Variants in ERI1 observed in about 807,000 individuals in gnomAD.
ERI1 encodes exoribonuclease 1, also known as 3'-5' exoribonuclease 1.
A neutral mutation model predicts 39.7 loss-of-function variants in ERI1; 39 were observed. That is an observed-to-expected ratio of 0.98 (90% CI 0.76 to 1.28). ERI1 has a LOEUF of 1.28. ERI1 is among the 50% of genes most tolerant of loss of function. The pLI, the probability that ERI1 is intolerant of heterozygous loss-of-function variation, is 0.00. For synonymous variants in ERI1, 204 were observed against 149.6 expected, an observed-to-expected ratio of 1.36 and a Z score of -2.65; for missense variants, 581 against 416.9, an observed-to-expected ratio of 1.39 and a Z score of -3.43.
chr8:9,022,654 C>T (rs1375240038), intron 6 of ERI1, among the ~76,000 whole-genome samples: 5 of 152,206 alleles, frequency 3.3e-5, no homozygotes, highest in African/African-American at 1.2e-4. Context: ...CCCGCCTCGG[C>T]CTCCCAAAGT....
intron 1 of ERI1, among the ~76,000 whole-genome samples, chr8:9,004,915 T>G (rs914723151): frequency 6.6e-6 from 1 of 152,126 alleles, no homozygotes; most frequent in Non-Finnish European, 1.5e-5. Context: ...CTGGAACTCC[T>G]GACCTCAGGT....
chr8:9,097,729 GA>G lies in ERI1; in HGVS notation n.300-18616del, dbSNP rs1161180834. 2.1e-5 allele frequency among the ~76,000 whole-genome samples: 3 copies of G among 146,030 alleles called. No homozygotes were observed. In the East Asian group the frequency reaches 5.9e-4, roughly 29 times the overall value. ...AGGCAGTTAAGAGACTTTTTTAAAA[GA>G]AAGAAAAGAAGAAAGAAGAAAAGAC... On this transcript the variant is annotated intron_variant and non_coding_transcript_variant, in intron 3 of 3. Coordinates refer to the ERI1 transcript ENST00000518663.
intron 3 of ERI1, among the ~76,000 whole-genome samples, chr8:9,043,161 T>C (rs981967453): frequency 1.3e-5 from 2 of 152,246 alleles, no homozygotes; most frequent in African/African-American, 2.4e-5. Flanking sequence ...ATTCTACTTC[T>C]TCGTGTATAA....
At chr8:9,049,521 A>AT (rs1218230311) in intron 3 of ERI1, among the ~76,000 whole-genome samples, 1 of 144,458 alleles carries the variant, frequency 6.9e-6, no homozygotes, top group Admixed American at 7.4e-5. Context: ...AATTTTGTGG[A>AT]TTTTTTGGCA....
intron 3 of ERI1, among the ~76,000 whole-genome samples, chr8:9,049,084 AT>A (rs1343060356): frequency 6.6e-6 from 1 of 152,008 alleles, no homozygotes; most frequent in Non-Finnish European, 1.5e-5. Context: ...TACACCTGTA[AT>A]TCCAGCACTT....
intron 3 of ERI1, among the ~76,000 whole-genome samples, chr8:9,053,328 A>T (rs1180570858): frequency 1.3e-5 from 2 of 152,114 alleles, no homozygotes; most frequent in African/African-American, 4.8e-5. Flanking sequence ...GTGGCTAATG[A>T]TTTAGCTGAT....
At chr8:9,096,248 C>T (rs1276468407) in intron 3 of ERI1, among the ~76,000 whole-genome samples, 1 of 152,194 alleles carries the variant, frequency 6.6e-6, no homozygotes, top group African/African-American at 2.4e-5. Context: ...CCTTTCAAAA[C>T]AAAGCCAGGT....
intron 4 of ERI1, 60 bp from the exon 5 acceptor site, chr8:9,018,237 T>C (rs1239959023): frequency 3.3e-6 from 3 of 908,046 alleles, no homozygotes; most frequent in Middle Eastern, 2.2e-4. Context: ...TCTGGGTATT[T>C]TGTAGGTCTA....
At chr8:9,026,826 T>G (rs1334964082) in intron 6 of ERI1, among the ~76,000 whole-genome samples, 1 of 151,840 alleles carries the variant, frequency 6.6e-6, no homozygotes, top group Admixed American at 6.6e-5. Context: ...TCCCAAGCAT[T>G]TCAGATAAGG....
intron 3 of ERI1, among the ~76,000 whole-genome samples, chr8:9,066,897 G>C (rs1563369027): frequency 6.6e-6 from 1 of 152,116 alleles, no homozygotes; most frequent in African/African-American, 2.4e-5. Flanking sequence ...AGCTGCAGTG[G>C]AGTGAGGGGT....
At position 9,092,121 on chromosome 8, in the gene ERI1, T is replaced by C. The variant is rs142033320; in HGVS notation, n.300-24227T>C. Reference sequence around the variant, plus strand: ...ACAGGCACGTGCCACCACACCTGGCTAATTTTTGTAGTTTTTGTAGAGAAA... The same window carrying C: ...ACAGGCACGTGCCACCACACCTGGCCAATTTTTGTAGTTTTTGTAGAGAAA... On this transcript the variant is annotated intron_variant and non_coding_transcript_variant, in intron 3 of 3. Coordinates refer to the ERI1 transcript ENST00000518663. 1.2e-4 allele frequency among the ~76,000 whole-genome samples: 19 copies of C among 152,262 alleles called. No homozygotes were observed. The East Asian group carries it at 3.7e-3, about 29-fold the overall frequency.
chr8:9,071,511 A>C (rs1799049918), intron 3 of ERI1, among the ~76,000 whole-genome samples: 1 of 152,216 alleles, frequency 6.6e-6, no homozygotes, highest in Admixed American at 6.5e-5. Flanking sequence ...TGATGTCCTA[A>C]TTACGAAAAG....
chr8:9,005,943 C>G (rs756565565), intron 1 of ERI1, among the ~76,000 whole-genome samples: 1 of 152,088 alleles, frequency 6.6e-6, no homozygotes, highest in African/African-American at 2.4e-5. Flanking sequence ...GTGAATATTG[C>G]AAAATGTTAC....
At chr8:9,052,658 T>C (rs1056399993) in intron 3 of ERI1, among the ~76,000 whole-genome samples, 4 of 152,220 alleles carry the variant, frequency 2.6e-5, no homozygotes, top group African/African-American at 9.6e-5. Flanking sequence ...TTAGGGAAAC[T>C]GCAATCAAGA....
intron 2 of ERI1, among the ~76,000 whole-genome samples, chr8:9,010,688 T>C (rs1400243565): frequency 6.6e-6 from 1 of 152,194 alleles, no homozygotes; most frequent in Non-Finnish European, 1.5e-5. Flanking sequence ...CAATATAGGA[T>C]TCATTTATAT....
At chr8:9,049,336 C>CAAAAAAAAAAAAAAAAAAAAAAAAAAAA (rs3989371) in intron 3 of ERI1, among the ~76,000 whole-genome samples, 3 of 33,244 alleles carry the variant, frequency 9.0e-5, no homozygotes, top group African/African-American at 1.1e-4. Context: ...ACTCCGTCTC[C>CAAAAAAAAAAAAAAAAAAAAAAAAAAAA]AAAAAAAAAA....
chr8:9,061,873 C>T (rs1295023392), intron 3 of ERI1, among the ~76,000 whole-genome samples: 3 of 151,236 alleles, frequency 2.0e-5, no homozygotes, highest in South Asian at 2.1e-4. Flanking sequence ...CAAGGGAAAG[C>T]GAAGAGAGGC....
chr8:9,088,718 T>G (rs889478075), intron 3 of ERI1: 1 of 152,218 alleles, frequency 6.6e-6, no homozygotes, highest in African/African-American at 2.4e-5. Context: ...GCAGCACACT[T>G]CCTTTTCACC....
In ERI1 at chr8:9,031,296, T is replaced by A. The variant is rs898477224; in HGVS notation, c.*1262T>A. 2.2e-4 allele frequency: 33 copies of A among 152,234 alleles called. No homozygotes were observed. Among genetic ancestry groups the A allele is most frequent in the Admixed American group, 1.0e-3 (16 of 15,280 alleles). 9.4% of individuals were successfully genotyped at this position (152,234 alleles called of 1,614,324 possible). A position where few individuals can be genotyped will look rare whatever the true frequency, so the allele number is the denominator to read the frequency against. On this transcript the variant is annotated 3_prime_UTR_variant, in exon 7 of 7. Transcript: ENST00000250263. ...AAAGCAGGAAAGTAGACATTTTTCT[T>A]GGCGTGGGAATTCTCTACATAGGGC...
Sources: allele counts gnomAD v4.1 joint callset (sites outside exome capture counted in the v4.1 genomes callset), GRCh38; gene constraint gnomAD v4.1.1; transcripts MANE v1.5; gene names NCBI Gene and HGNC (gene_info 2026-07-23, HGNC 2026-07-21).